ZDHHC2: variants seen among roughly 807,000 people sequenced by gnomAD.
The protein encoded by ZDHHC2 is zDHHC palmitoyltransferase 2, also known as palmitoyltransferase ZDHHC2.
ZDHHC2 carries 51 observed loss-of-function variants against 55.6 expected under a neutral mutation model. The ratio of observed to expected loss-of-function variants is 0.92; its 90% CI spans 0.73 to 1.16. The LOEUF (loss-of-function observed/expected upper bound fraction) is 1.16. ZDHHC2 is among the 50% of genes most tolerant of loss of function. The pLI is 0.00. For missense variants in ZDHHC2, 491 were observed against 442.4 expected (o/e 1.11, Z -0.99); for synonymous variants, 199 against 152.9 (o/e 1.30, Z -2.22).
chr8:17,188,498 G>A (rs1473289202), intron 3 of ZDHHC2, among the ~76,000 whole-genome samples: 1 of 152,020 alleles, frequency 6.6e-6, no homozygotes, highest in East Asian at 1.9e-4. Flanking sequence ...CTTTCTCATG[G>A]AAATAATATA....
Position 17,156,700 on chromosome 8 carries a change from T to G in ZDHHC2, c.-24T>G. The G allele has an allele frequency of 5.1e-6, 7 of 1,380,242 alleles. No homozygotes were observed. The highest frequency in any genetic ancestry group is 6.6e-6 in the Non-Finnish European group (7 of 1,061,046). The allele number at this position is 1,380,242 out of a possible 1,614,324, so 85.5% of individuals were successfully genotyped here. On this transcript the variant is annotated 5_prime_UTR_variant, in exon 1 of 13. Coordinates refer to ENST00000262096, the MANE Select transcript of ZDHHC2 (RefSeq NM_016353.5). The stretch of plus-strand genomic sequence containing the variant: ...CCAGGCCCGCGGGCGGCGGCGGAGC[T>G]GGGCAGGTGGATGCGGCTGGAAGAT...
At chr8:17,182,605 G>T (rs1170074230) in intron 1 of ZDHHC2, among the ~76,000 whole-genome samples, 1 of 152,096 alleles carries the variant, frequency 6.6e-6, no homozygotes, top group African/African-American at 2.4e-5. Flanking sequence ...TAGAACATCT[G>T]TGGATTTTGA....
intron 1 of ZDHHC2, among the ~76,000 whole-genome samples, chr8:17,181,560 C>G (rs1262519454): frequency 6.6e-6 from 1 of 152,144 alleles, no homozygotes; most frequent in South Asian, 2.1e-4. Flanking sequence ...CTATACAACA[C>G]TTGAAATTTC....
intron 11 of ZDHHC2, among the ~76,000 whole-genome samples, chr8:17,215,907 A>C (rs985791522): frequency 2.0e-5 from 3 of 152,308 alleles, no homozygotes; most frequent in Admixed American, 2.0e-4. Flanking sequence ...AAGGCTCCGA[A>C]GTCAGACCTG....
Position 17,224,559 on chromosome 8 carries a change from T to C in ZDHHC2, c.*4338T>C, listed in dbSNP as rs1808046502. The C allele has an allele frequency of 6.6e-6, 1 of 151,692 alleles. No homozygotes were observed. The highest frequency in any genetic ancestry group is 1.5e-5 in the Non-Finnish European group (1 of 67,690). 9.4% of individuals were successfully genotyped at this position (151,692 alleles called of 1,614,324 possible). A position where few individuals can be genotyped will look rare whatever the true frequency, so the allele number is the denominator to read the frequency against. On this transcript the variant is annotated 3_prime_UTR_variant, in exon 13 of 13. Coordinates refer to ENST00000262096, the MANE Select transcript of ZDHHC2 (RefSeq NM_016353.5). ...CCTGAAATTATTAATGCTTAATATA[T>C]TGCTTCTGTTTGATTGATAAAGGTG...
chr8:17,210,272 C>G, intron 9 of ZDHHC2, 116 bp from the exon 10 acceptor site: 1 of 1,128,846 alleles, frequency 8.9e-7, no homozygotes, highest in Non-Finnish European at 1.2e-6. Context: ...ATGTCTAATA[C>G]ACATTTTTTT....
chr8:17,183,495 A>G (rs1044660525), intron 1 of ZDHHC2, among the ~76,000 whole-genome samples: 3 of 152,246 alleles, frequency 2.0e-5, no homozygotes. Context: ...TGTAAATCGA[A>G]GGTCATCCAG....
intron 12 of ZDHHC2, among the ~76,000 whole-genome samples, chr8:17,219,197 C>T (rs996475651): frequency 1.3e-4 from 16 of 124,456 alleles, no homozygotes; most frequent in African/African-American, 4.8e-4. Flanking sequence ...TTGCAGTGAG[C>T]CAAAATCGTG....
intron 6 of ZDHHC2, 108 bp downstream of exon 6, chr8:17,198,521 C>A (rs931933844): frequency 3.2e-5 from 33 of 1,037,092 alleles, no homozygotes; most frequent in African/African-American, 5.0e-5. Flanking sequence ...CTTGAGTTGA[C>A]ATAGCAGGAA....
chr8:17,223,186 T>C lies in ZDHHC2; in HGVS notation c.*2965T>C, dbSNP rs547213319. The C allele has an allele frequency of 5.3e-5, 8 of 152,040 alleles. No individual in the cohort carries two copies. The highest frequency in any genetic ancestry group is 1.0e-4 in the Non-Finnish European group (7 of 67,810). The allele number at this position is 152,040 out of a possible 1,614,324, so 9.4% of individuals were successfully genotyped here. ...GGCTCGGCTGATTCTGAAATTGTACTGTATCATTTGGTATTTACTTATATG... is the reference window on the plus strand; with the variant it reads ...GGCTCGGCTGATTCTGAAATTGTACCGTATCATTTGGTATTTACTTATATG... On this transcript the variant is annotated 3_prime_UTR_variant, in exon 13 of 13. Transcript: ENST00000262096.
intron 12 of ZDHHC2, among the ~76,000 whole-genome samples, chr8:17,217,665 A>G (rs1807713338): frequency 6.6e-6 from 1 of 152,190 alleles, no homozygotes; most frequent in African/African-American, 2.4e-5. Context: ...GAAGTGCAAT[A>G]TAATTATATC....
chr8:17,201,481 C>CTTTTTTTTTTTTTTTTT (rs1171396792), intron 6 of ZDHHC2, among the ~76,000 whole-genome samples: 1 of 24,310 alleles, frequency 4.1e-5, no homozygotes, highest in East Asian at 1.2e-3. Context: ...CTCTCTCTCT[C>CTTTTTTTTTTTTTTTTT]TTTTTTTTTT....
intron 1 of ZDHHC2, among the ~76,000 whole-genome samples, chr8:17,174,231 G>C (rs113045631): frequency 6.6e-6 from 1 of 151,624 alleles, no homozygotes; most frequent in Non-Finnish European, 1.5e-5. Flanking sequence ...TGGGACCACA[G>C]GTGCATGCCA....
At chr8:17,188,851 G>C (rs557092866) in intron 3 of ZDHHC2, among the ~76,000 whole-genome samples, 9 of 152,184 alleles carry the variant, frequency 5.9e-5, no homozygotes, top group African/African-American at 1.9e-4. Flanking sequence ...TAGTCCTAAA[G>C]TTTTCTTATG....
In ZDHHC2 at chr8:17,187,494, T is replaced by C. The variant is rs138370605; in HGVS notation, c.252+1069T>C. Among the ~76,000 whole-genome samples the C allele has an allele frequency of 4.1e-3, 631 of 152,212 alleles. 8 individuals are homozygous for C. Among genetic ancestry groups the C allele is most frequent in the Middle Eastern group, 0.024 (7 of 290 alleles). ...CTTTGGTCAAAAAAGCCAATAAATATGCTATTTGGCTTGGGAGAGGATGGT... is the reference window on the plus strand; with the variant it reads ...CTTTGGTCAAAAAAGCCAATAAATACGCTATTTGGCTTGGGAGAGGATGGT... On this transcript the variant is annotated intron_variant, in intron 3 of 12. Transcript: ENST00000262096.
At chr8:17,199,729 C>T (rs1255821687) in intron 6 of ZDHHC2, among the ~76,000 whole-genome samples, 3 of 145,314 alleles carry the variant, frequency 2.1e-5, no homozygotes, top group Admixed American at 7.0e-5. Context: ...CTTCTTTCTT[C>T]TTTTTCCTTC....
chr8:17,204,949 T>G (rs1183772443), intron 6 of ZDHHC2, among the ~76,000 whole-genome samples: 1 of 152,184 alleles, frequency 6.6e-6, no homozygotes, highest in Non-Finnish European at 1.5e-5. Flanking sequence ...GATAACGACT[T>G]TGGAGTGAGA....
At chr8:17,188,019 T>A (rs1173064735) in intron 3 of ZDHHC2, among the ~76,000 whole-genome samples, 2 of 152,250 alleles carry the variant, frequency 1.3e-5, no homozygotes, top group African/African-American at 4.8e-5. Flanking sequence ...TATTGTATTC[T>A]TCTCCTGGTA....
intron 6 of ZDHHC2, among the ~76,000 whole-genome samples, chr8:17,199,552 C>CGTCTTCT (rs1563161343): frequency 8.9e-5 from 9 of 101,372 alleles, no homozygotes; most frequent in Non-Finnish European, 1.9e-4. Context: ...CTTCTGTCTT[C>CGTCTTCT]GTCTTCGTCT....
Sources: gnomAD v4.1 joint callset for allele counts (sites outside exome capture counted in the v4.1 genomes callset) on GRCh38, gnomAD v4.1.1 for gene constraint, MANE v1.5 for transcripts, NCBI Gene and HGNC (gene_info 2026-07-23, HGNC 2026-07-21) for gene names.